The following CPNE6 variants were observed in gnomAD, a reference collection of about 807,000 sequenced individuals.
The protein encoded by CPNE6 is copine-6.
In CPNE6, 33 loss-of-function variants were observed where a neutral mutation model predicts 71.5. The ratio of observed to expected loss-of-function variants is 0.46; its 90% confidence interval spans 0.35 to 0.62. CPNE6 has a LOEUF of 0.62. CPNE6 is among the 20% of genes least tolerant of loss of function. The probability of loss-of-function intolerance (pLI) is 0.00; values close to 1 mark genes in which losing one functional copy is unlikely to be tolerated. For missense variants in CPNE6, 576 were observed against 747.3 expected (o/e 0.77, Z 2.67); for synonymous variants, 296 against 293.0 (o/e 1.01, Z -0.10).
In CPNE6 at chr14:24,074,091, A is replaced by G. The variant is rs760829484; in HGVS notation, c.389A>G (p.Lys130Arg). 1 of 1,614,172 alleles carries G rather than the reference A, an allele frequency of 6.2e-7. No homozygotes were observed. Among genetic ancestry groups the G allele is most frequent in the East Asian group, 2.2e-5 (1 of 44,880 alleles). The change falls in exon 5 of 18, where the codon AAG (lysine) becomes AGG (arginine). Residue 130 changes from lysine (K) to arginine (R), a missense_variant. Physicochemically the swap from Lys to Arg is conservative, Grantham distance 26. This residue lies in a region of CPNE6 where 214 missense variants were observed against 291.2 expected (regional missense o/e 0.73). Coordinates refer to ENST00000397016, the Ensembl canonical transcript of CPNE6. This position sits in a 1 kb window ranked among gnomAD's most constrained non-coding sequence, Gnocchi z 4.5. ...AAGGTCACTAAGCCATTATTGCTGA[A>G]GAATGGGAAGACTGCGGGCAAGTCC...
chr14:24,072,751 C>T (rs2138843010), intron 2 of CPNE6, 182 bp from the exon 2 acceptor site: 1 of 472,356 alleles, frequency 2.1e-6, no homozygotes, highest in African/African-American at 2.0e-5. Context: ...GAGTGGGAGG[C>T]TCAGGTCCTC....
intron 1 of CPNE6, 61 bp from the exon 1 acceptor site, chr14:24,071,501 G>GCGCCCCCCCCCCCC: frequency 9.9e-6 from 14 of 1,416,698 alleles, no homozygotes; most frequent in Admixed American, 2.5e-5. Flanking sequence ...CTGGTGCTGC[G>GCGCCCCCCCCCCCC]CCCCCCCCCA....
chr14:24,075,499 G>A lies in CPNE6; in HGVS notation c.778-6G>A, dbSNP rs564075739. 15 of 1,609,498 alleles carry A rather than the reference G, an allele frequency of 9.3e-6. No individual in the cohort carries two copies. The South Asian group carries it at 1.7e-4, about 18-fold the overall frequency. On this transcript the variant is annotated splice_region_variant and splice_polypyrimidine_tract_variant and intron_variant, in intron 9 of 17. Transcript: ENST00000397016. The surrounding 1 kb of genome is among the most constrained non-coding windows in gnomAD (Gnocchi z 4.3). ...TGTGACCCTGAGCTTGTGGGGTGGG[G>A]TCTAGATGCAGTGGGACTGTATCAA...
At position 24,075,721 on chromosome 14, in the gene CPNE6, A is replaced by G; in HGVS notation, c.865-106A>G. 1 of 1,369,362 alleles carries G rather than the reference A, an allele frequency of 7.3e-7. No individual in the cohort carries two copies. Among genetic ancestry groups the G allele is most frequent in the Non-Finnish European group, 1.0e-6 (1 of 972,596 alleles). 84.8% of individuals were successfully genotyped at this position (1,369,362 alleles called of 1,614,324 possible). On this transcript the variant is annotated intron_variant, in intron 10 of 17. Transcript: ENST00000397016. The surrounding 1 kb of genome is among the most constrained non-coding windows in gnomAD (Gnocchi z 4.3). ...GAACTGGAAACCACCCCCAACTGCAACCCAAAAAACTCTGGCTCCCCCATG... is the reference window on the plus strand; with the variant it reads ...GAACTGGAAACCACCCCCAACTGCAGCCCAAAAAACTCTGGCTCCCCCATG...
At position 24,075,354 on chromosome 14, in the gene CPNE6, A is replaced by G. The variant is rs556218212; in HGVS notation, c.777+78A>G. Reference sequence around the variant, plus strand: ...TGAGGGTGATGCTGAAGAGACCACCATAGGTGATAGGAAGTGGAGAGGGTG... The same window carrying G: ...TGAGGGTGATGCTGAAGAGACCACCGTAGGTGATAGGAAGTGGAGAGGGTG... On this transcript the variant is annotated intron_variant, in intron 9 of 17. Transcript: ENST00000397016. The surrounding 1 kb of genome is among the most constrained non-coding windows in gnomAD (Gnocchi z 4.3). 132 of 1,422,288 alleles carry G rather than the reference A, an allele frequency of 9.3e-5. No individual in the cohort carries two copies. In the African/African-American group the frequency reaches 1.1e-3, roughly 11 times the overall value. The allele number at this position is 1,422,288 out of a possible 1,614,324, so 88.1% of individuals were successfully genotyped here.
intron 1 of CPNE6, 61 bp from the exon 1 acceptor site, chr14:24,071,501 G>GCGGCCCCCCCCCC: frequency 5.6e-6 from 8 of 1,416,700 alleles, no homozygotes; most frequent in Non-Finnish European, 7.5e-6. Context: ...CTGGTGCTGC[G>GCGGCCCCCCCCCC]CCCCCCCCCA....
In CPNE6 at chr14:24,071,651, C is replaced by T; in HGVS notation, c.-5+10C>T. 1.2e-6 allele frequency: 1 copy of T among 864,836 alleles called. No homozygotes were observed. The highest frequency in any genetic ancestry group is 1.9e-6 in the Non-Finnish European group (1 of 534,958). The allele number at this position is 864,836 out of a possible 1,614,324, so 53.6% of individuals were successfully genotyped here. On this transcript the variant is annotated intron_variant, in intron 2 of 17. Coordinates refer to ENST00000397016, the Ensembl canonical transcript of CPNE6. ...CCGACCGAGAGCCCAGGTGAGCCCA[C>T]CCTTCCTCCCCAGCCCAGCCCCAGC...
chr14:24,072,680 T>C, intron 2 of CPNE6: 1 of 370,586 alleles, frequency 2.7e-6, no homozygotes, highest in South Asian at 1.1e-4. Flanking sequence ...ACCCCAATCC[T>C]TCAGCCCTCT....
At position 24,073,427 on chromosome 14, in the gene CPNE6, G is replaced by C; in HGVS notation, c.169-72G>C. ...GGCCCAAGAAGAGCTGGCATGACTAGGGCAGTCCAGGACAGGGAAAAGTAT... is the reference window on the plus strand; with the variant it reads ...GGCCCAAGAAGAGCTGGCATGACTACGGCAGTCCAGGACAGGGAAAAGTAT... On this transcript the variant is annotated intron_variant, in intron 3 of 17. Coordinates refer to ENST00000397016, the Ensembl canonical transcript of CPNE6. The surrounding 1 kb of genome is among the most constrained non-coding windows in gnomAD (Gnocchi z 5.5). 1 of 1,516,510 alleles carries C rather than the reference G, an allele frequency of 6.6e-7. No individual in the cohort carries two copies. Among genetic ancestry groups the C allele is most frequent in the South Asian group, 1.3e-5 (1 of 79,942 alleles). 93.9% of individuals were successfully genotyped at this position (1,516,510 alleles called of 1,614,324 possible). A position where few individuals can be genotyped will look rare whatever the true frequency, so the allele number is the denominator to read the frequency against.
Position 24,075,475 on chromosome 14 carries a change from G to C in CPNE6, c.778-30G>C, listed in dbSNP as rs1472914596. 5.0e-6 allele frequency: 8 copies of C among 1,595,142 alleles called. No individual in the cohort carries two copies. Among genetic ancestry groups the C allele is most frequent in the Non-Finnish European group, 6.9e-6 (8 of 1,167,792 alleles). On this transcript the variant is annotated intron_variant, in intron 9 of 17. Coordinates refer to ENST00000397016, the Ensembl canonical transcript of CPNE6. This position sits in a 1 kb window ranked among gnomAD's most constrained non-coding sequence, Gnocchi z 4.3. ...GAAAGAGGGGTCACCTGATGGACTT[G>C]TGACCCTGAGCTTGTGGGGTGGGGT...
rs779767138 is a variant in CPNE6, at chr14:24,073,659, C to T, written c.329C>T (p.Thr110Met). Reference sequence around the variant, plus strand: ...CGAAATGATACCTTCCTCGGCTCTACGGAGTGCACCTTGGGCCAGGTCTGC... The same window carrying T: ...CGAAATGATACCTTCCTCGGCTCTATGGAGTGCACCTTGGGCCAGGTCTGC... The change falls in exon 4 of 18, where the codon ACG (threonine) becomes ATG (methionine). Residue 110 changes from threonine (T) to methionine (M), a missense_variant. Thr to Met is a moderately conservative substitution (Grantham distance 81). This residue lies in a region of CPNE6 where 214 missense variants were observed against 291.2 expected (regional missense o/e 0.73). Transcript: ENST00000397016. The surrounding 1 kb of genome is among the most constrained non-coding windows in gnomAD (Gnocchi z 5.5). 6.8e-6 allele frequency: 11 copies of T among 1,613,296 alleles called. No individual in the cohort carries two copies. Among genetic ancestry groups the T allele is most frequent in the East Asian group, 2.2e-5 (1 of 44,892 alleles).
rs1594228108 is a variant in CPNE6 at position 24,073,774 on chromosome 14, T to C, written c.348+96T>C. 1.5e-6 allele frequency: 2 copies of C among 1,354,642 alleles called. No individual in the cohort carries two copies. Among genetic ancestry groups the C allele is most frequent in the East Asian group, 4.8e-5 (2 of 42,084 alleles). 83.9% of individuals were successfully genotyped at this position (1,354,642 alleles called of 1,614,324 possible). A position where few individuals can be genotyped will look rare whatever the true frequency, so the allele number is the denominator to read the frequency against. On this transcript the variant is annotated intron_variant, in intron 4 of 17. Coordinates refer to ENST00000397016, the Ensembl canonical transcript of CPNE6. The surrounding 1 kb of genome is among the most constrained non-coding windows in gnomAD (Gnocchi z 5.5). Reference sequence around the variant, plus strand: ...GAGAAAACATGAGCTCTAGAGCTAGTTCAACCCAGCCTTGGCTCCCATCTC... The same window carrying C: ...GAGAAAACATGAGCTCTAGAGCTAGCTCAACCCAGCCTTGGCTCCCATCTC...
intron 1 of CPNE6, chr14:24,071,339 G>A (rs2035890484): frequency 1.4e-6 from 2 of 1,438,306 alleles, no homozygotes; most frequent in Non-Finnish European, 1.8e-6. Flanking sequence ...TGGGTGTAGT[G>A]TGAAGGGGAA....
Position 24,074,930 on chromosome 14 carries a change from G to A in CPNE6, c.672+135G>A. On this transcript the variant is annotated intron_variant, in intron 8 of 17. Coordinates refer to ENST00000397016, the Ensembl canonical transcript of CPNE6. The surrounding 1 kb of genome is among the most constrained non-coding windows in gnomAD (Gnocchi z 4.5). ...CATCCCACTGTGGGATAAATAATAG[G>A]TCACAGCTCAATGTTAAACTTCCCA... 1 of 784,362 alleles carries A rather than the reference G, an allele frequency of 1.3e-6. No homozygotes were observed. The highest frequency in any genetic ancestry group is 2.1e-6 in the Non-Finnish European group (1 of 469,214). The allele number at this position is 784,362 out of a possible 1,614,324, so 48.6% of individuals were successfully genotyped here.
At chr14:24,072,496 T>G (rs2035930926) in intron 2 of CPNE6, 1 of 156,950 alleles carries the variant, frequency 6.4e-6, no homozygotes, top group Admixed American at 6.5e-5. Flanking sequence ...TCTTCAGAAC[T>G]CCAGAGGCCT....
In CPNE6 at chr14:24,075,922, G is replaced by A. The variant is rs1415384327; in HGVS notation, c.924+36G>A. On this transcript the variant is annotated intron_variant, in intron 11 of 17. Transcript: ENST00000397016. This position sits in a 1 kb window ranked among gnomAD's most constrained non-coding sequence, Gnocchi z 4.3. ...AGAGGGAGGGCACACAGGCAAGAGGGAGGGGCTGAGTCCATAGTGAAAGGA... is the reference window on the plus strand; with the variant it reads ...AGAGGGAGGGCACACAGGCAAGAGGAAGGGGCTGAGTCCATAGTGAAAGGA... 9.3e-6 allele frequency: 15 copies of A among 1,609,768 alleles called. No individual in the cohort carries two copies. The Admixed American group carries it at 1.7e-4, about 18-fold the overall frequency.
rs933002191 is a variant in CPNE6, at chr14:24,077,973, G to C, written c.*123G>C. On this transcript the variant is annotated 3_prime_UTR_variant, in exon 18 of 18. Coordinates refer to ENST00000397016, the Ensembl canonical transcript of CPNE6. The surrounding 1 kb of genome is among the most constrained non-coding windows in gnomAD (Gnocchi z 6.1). ...GCCCCCTGGGTTCTGGACGTGAGTG[G>C]TGGGTCCTGCTCCTATCTCTCCAAA... 1 of 437,494 alleles carries C rather than the reference G, an allele frequency of 2.3e-6. No homozygotes were observed. The highest frequency in any genetic ancestry group is 4.0e-6 in the Non-Finnish European group (1 of 249,318). The allele number at this position is 437,494 out of a possible 1,614,324, so 27.1% of individuals were successfully genotyped here. A position where few individuals can be genotyped will look rare whatever the true frequency, so the allele number is the denominator to read the frequency against.
At position 24,077,907 on chromosome 14, in the gene CPNE6, T is replaced by C; in HGVS notation, c.*57T>C. On this transcript the variant is annotated 3_prime_UTR_variant, in exon 18 of 18. Coordinates refer to ENST00000397016, the Ensembl canonical transcript of CPNE6. This position sits in a 1 kb window ranked among gnomAD's most constrained non-coding sequence, Gnocchi z 6.1. Reference sequence around the variant, plus strand: ...TCCCAGGTGCCTGTCCTGACCCTCGTGACTCCAGTGACCAATGCCTCCACC... The same window carrying C: ...TCCCAGGTGCCTGTCCTGACCCTCGCGACTCCAGTGACCAATGCCTCCACC... 1.7e-6 allele frequency: 1 copy of C among 588,178 alleles called. No individual in the cohort carries two copies. The highest frequency in any genetic ancestry group is 2.7e-6 in the Non-Finnish European group (1 of 370,974). 36.4% of individuals were successfully genotyped at this position (588,178 alleles called of 1,614,324 possible).
In CPNE6 at chr14:24,075,627, C is replaced by T; in HGVS notation, c.864+36C>T. ...CTTCCTGCTTCAAGCCTTGCCCCAG[C>T]CCCTGCCCCTACCACACTCTCAGGT... On this transcript the variant is annotated intron_variant, in intron 10 of 17. Transcript: ENST00000397016. The surrounding 1 kb of genome is among the most constrained non-coding windows in gnomAD (Gnocchi z 4.3). 5.2e-6 allele frequency: 8 copies of T among 1,532,856 alleles called. No homozygotes were observed. The highest frequency in any genetic ancestry group is 4.5e-6 in the Non-Finnish European group (5 of 1,116,532). 95.0% of individuals were successfully genotyped at this position (1,532,856 alleles called of 1,614,324 possible). A position where few individuals can be genotyped will look rare whatever the true frequency, so the allele number is the denominator to read the frequency against.
Sources: gnomAD v4.1 joint callset for allele counts on GRCh38, gnomAD v4.1.1 for gene constraint, gnomAD v4.1.1 regional missense constraint, Gnocchi (gnomAD v3.1) non-coding constraint, MANE v1.5 for transcripts, NCBI Gene and HGNC (gene_info 2026-07-23, HGNC 2026-07-21) for gene names.